Variants in CLIP1 observed in about 807,000 individuals in gnomAD.
CLIP1 encodes CAP-Gly domain-containing linker protein 1.
Under a neutral mutation model 161.6 loss-of-function variants are expected in CLIP1, and 66 were observed. That is an observed-to-expected ratio of 0.41 (90% CI 0.33 to 0.50). The LOEUF is 0.50. Ranked by LOEUF, CLIP1 falls within the 20% of genes least tolerant of loss-of-function variation. The probability of loss-of-function intolerance (pLI) is 0.27; values close to 1 mark genes in which losing one functional copy is unlikely to be tolerated. For synonymous variants in CLIP1, 598 were observed against 626.2 expected (o/e 0.96, Z 0.67); for missense variants, 1,376 against 1,702.0 (o/e 0.81, Z 3.37).
rs1950890091 is a variant in CLIP1, at chr12:122,306,831, AC to A, written c.3594+2930del. On this transcript the variant is annotated intron_variant, in intron 20 of 25. Coordinates refer to ENST00000620786, the MANE Select transcript of CLIP1 (RefSeq NM_001247997.2). Reference sequence around the variant, plus strand: ...TTTAGAGCAATGTTTGACCGCACCTACCCCATTTCTAGCTCACAGCTTTTTA... The same window carrying A: ...TTTAGAGCAATGTTTGACCGCACCTACCCATTTCTAGCTCACAGCTTTTTA... 3.9e-5 allele frequency among the ~76,000 whole-genome samples: 6 copies of A among 152,184 alleles called. No individual in the cohort carries two copies. In the South Asian group the frequency reaches 6.2e-4, roughly 16 times the overall value.
chr12:122,417,676 C>T (rs897690899), intron 1 of CLIP1, among the ~76,000 whole-genome samples: 9 of 151,896 alleles, frequency 5.9e-5, no homozygotes, highest in African/African-American at 2.2e-4. Flanking sequence ...CCAAGCCTGG[C>T]TAATTTTTTG....
intron 1 of CLIP1, among the ~76,000 whole-genome samples, chr12:122,402,756 G>GCAGCACTACATTCCAGCCTGGGTGA: frequency 6.6e-6 from 1 of 152,040 alleles, no homozygotes; most frequent in Non-Finnish European, 1.5e-5. Flanking sequence ...AGCCTGGGTG[G>GCAGCACTACATTCCAGCCTGGGTGA]CAGCACTACA....
intron 4 of CLIP1, 69 bp from the exon 5 acceptor site, chr12:122,361,250 G>C: frequency 7.6e-7 from 1 of 1,323,002 alleles, no homozygotes; most frequent in Non-Finnish European, 1.1e-6. Flanking sequence ...ATAACCAAAA[G>C]GTTCTCCCAA....
chr12:122,351,106 C>T lies in CLIP1; in HGVS notation c.1401+5G>A. On this transcript the variant is annotated splice_donor_5th_base_variant and intron_variant, in intron 9 of 25. Coordinates refer to ENST00000620786, the MANE Select transcript of CLIP1 (RefSeq NM_001247997.2). ...AAATATCCACACAGTTAAGTGCCCT[C>T]TTACATTCTCAGGATCTTCAGAAAT... The T allele has an allele frequency of 1.3e-6, 2 of 1,537,002 alleles. No individual in the cohort carries two copies. Among genetic ancestry groups the T allele is most frequent in the Non-Finnish European group, 1.7e-6 (2 of 1,147,424 alleles).
At chr12:122,277,942 G>T in intron 24 of CLIP1, 1 of 568,142 alleles carries the variant, frequency 1.8e-6, no homozygotes, top group Non-Finnish European at 3.1e-6. Flanking sequence ...TGTTTGCAGG[G>T]TTGGGAACTG....
intron 5 of CLIP1, among the ~76,000 whole-genome samples, chr12:122,360,354 G>A (rs7313121): frequency 0.52 from 78,624 of 149,960 alleles, 22,579 homozygotes; most frequent in Non-Finnish European, 0.63. Context: ...CAAGAGGATC[G>A]CTTGAGCCTA....
intron 20 of CLIP1, among the ~76,000 whole-genome samples, chr12:122,291,577 G>A (rs576370067): frequency 9.2e-5 from 14 of 152,058 alleles, no homozygotes; most frequent in South Asian, 4.2e-4. Flanking sequence ...GTTTGGATTC[G>A]TCTGATGTTT....
At position 122,406,114 on chromosome 12, in the gene CLIP1, C is replaced by T. The variant is rs547690493; in HGVS notation, c.-107+16407G>A. On this transcript the variant is annotated intron_variant, in intron 1 of 25. Coordinates refer to ENST00000620786, the MANE Select transcript of CLIP1 (RefSeq NM_001247997.2). ...ACAGCATATCTTTAAGGATAAAGTACGAAAGATGAGTAAATATTGTAATCA... is the reference window on the plus strand; with the variant it reads ...ACAGCATATCTTTAAGGATAAAGTATGAAAGATGAGTAAATATTGTAATCA... Among the ~76,000 whole-genome samples the T allele has an allele frequency of 2.0e-5, 3 of 152,134 alleles. No individual in the cohort carries two copies. The East Asian group carries it at 5.8e-4, about 29-fold the overall frequency.
chr12:122,422,157 C>G (rs961476017), intron 1 of CLIP1, among the ~76,000 whole-genome samples: 7 of 152,138 alleles, frequency 4.6e-5, no homozygotes, highest in Non-Finnish European at 7.4e-5. Context: ...CACATCCGCC[C>G]CGGGGCCCAG....
chr12:122,413,429 C>G (rs1956613127), intron 1 of CLIP1, among the ~76,000 whole-genome samples: 1 of 152,132 alleles, frequency 6.6e-6, no homozygotes, highest in South Asian at 2.1e-4. Context: ...TGGGCCTTAA[C>G]TTCGGAGAAG....
chr12:122,331,966 G>A (rs1053574181), intron 15 of CLIP1, among the ~76,000 whole-genome samples: 1 of 151,454 alleles, frequency 6.6e-6, no homozygotes, highest in African/African-American at 2.4e-5. Context: ...CTGCATTCCA[G>A]CCTGGACCAC....
intron 1 of CLIP1, chr12:122,395,254 G>A (rs1193160313): frequency 6.6e-6 from 1 of 152,096 alleles, no homozygotes; most frequent in Non-Finnish European, 1.5e-5. Context: ...TCCTGCCAGA[G>A]GATACTCACA....
At chr12:122,283,801 G>A (rs1955742273) in intron 21 of CLIP1, among the ~76,000 whole-genome samples, 1 of 152,110 alleles carries the variant, frequency 6.6e-6, no homozygotes, top group African/African-American at 2.4e-5. Flanking sequence ...AGTAAGTTCT[G>A]CACTTGAATA....
At chr12:122,332,767 T>C (rs1952037958) in intron 15 of CLIP1, among the ~76,000 whole-genome samples, 1 of 152,232 alleles carries the variant, frequency 6.6e-6, no homozygotes, top group South Asian at 2.1e-4. Context: ...TAAATAGTAT[T>C]GTATTCCTTA....
chr12:122,412,291 C>A (rs1430684893), intron 1 of CLIP1, among the ~76,000 whole-genome samples: 1 of 150,364 alleles, frequency 6.7e-6, no homozygotes, highest in Non-Finnish European at 1.5e-5. Flanking sequence ...CGGGATCCAT[C>A]CACTTCAGCC....
intron 21 of CLIP1, among the ~76,000 whole-genome samples, chr12:122,288,278 C>T (rs1341916332): frequency 6.6e-6 from 1 of 152,090 alleles, no homozygotes. Flanking sequence ...CCAGCCTTGG[C>T]CTCCCAAAGT....
At chr12:122,342,966 A>G (rs1197432326) in intron 10 of CLIP1, 1 of 151,962 alleles carries the variant, frequency 6.6e-6, no homozygotes, top group East Asian at 1.9e-4. Context: ...CTTACAAAAA[A>G]GTAATGTGGG....
At chr12:122,419,029 T>C (rs1306310315) in intron 1 of CLIP1, among the ~76,000 whole-genome samples, 7 of 152,220 alleles carry the variant, frequency 4.6e-5, no homozygotes, top group African/African-American at 1.7e-4. Flanking sequence ...TCCTTTGGTT[T>C]GACTTCTATA....
chr12:122,325,133 A>G (rs1437557055), intron 17 of CLIP1, among the ~76,000 whole-genome samples: 1 of 148,926 alleles, frequency 6.7e-6, no homozygotes, highest in African/African-American at 2.5e-5. Flanking sequence ...ATCTTGGCTC[A>G]CTGCAACCTC....
Sources: gnomAD v4.1 joint callset for allele counts (sites outside exome capture counted in the v4.1 genomes callset) on GRCh38, gnomAD v4.1.1 for gene constraint, MANE v1.5 for transcripts, NCBI Gene and HGNC (gene_info 2026-07-23, HGNC 2026-07-21) for gene names.